TRIM55: variants seen among roughly 807,000 people sequenced by gnomAD.
TRIM55 encodes tripartite motif containing 55, also known as tripartite motif-containing protein 55.
In TRIM55, 50 loss-of-function variants were observed where a neutral mutation model predicts 60.9. The ratio of observed to expected loss-of-function variants is 0.82; its 90% CI spans 0.65 to 1.04. The LOEUF (loss-of-function observed/expected upper bound fraction) is 1.04. Among genes scored for constraint, TRIM55 ranks in the 50% least tolerant of loss-of-function variants. The pLI, the probability that TRIM55 is intolerant of heterozygous loss-of-function variation, is 0.00. For synonymous variants in TRIM55, 237 were observed against 238.1 expected (o/e 1.00, Z 0.04); for missense variants, 681 against 666.9 (o/e 1.02, Z -0.23).
chr8:66,133,565 A>G (rs934844776), intron 2 of TRIM55, among the ~76,000 whole-genome samples: 4 of 152,214 alleles, frequency 2.6e-5, no homozygotes, highest in African/African-American at 2.4e-5. Context: ...CTTCATGGAA[A>G]GCATATTGCT....
At chr8:66,114,110 G>A in the TRIM55 span, among the ~76,000 whole-genome samples, 1 of 120,574 alleles carries the variant, frequency 8.3e-6, no homozygotes, top group East Asian at 2.6e-4. Flanking sequence ...TTGTTGCTTT[G>A]AACCAAAAAA....
chr8:66,145,243 G>C (rs1249806694), intron 4 of TRIM55, among the ~76,000 whole-genome samples: 1 of 152,104 alleles, frequency 6.6e-6, no homozygotes, highest in Non-Finnish European at 1.5e-5. Flanking sequence ...TTTCACATTT[G>C]AATATGACAT....
At chr8:66,135,235 C>G (rs1809414914) in intron 3 of TRIM55, 80 bp downstream of exon 3, 5 of 1,517,438 alleles carry the variant, frequency 3.3e-6, no homozygotes, top group South Asian at 2.3e-5. Context: ...GTGTGAGTGG[C>G]TCCCTGCGGT....
intron 9 of TRIM55, among the ~76,000 whole-genome samples, chr8:66,173,067 T>C (rs10957368): frequency 1.1e-4 from 17 of 152,088 alleles, no homozygotes; most frequent in Admixed American, 9.8e-4. Context: ...GTCAGGATAA[T>C]GTTTATTTTA....
chr8:66,124,618 A>G (rs1381059686), upstream of TRIM55, among the ~76,000 whole-genome samples: 1 of 152,228 alleles, frequency 6.6e-6, no homozygotes, highest in African/African-American at 2.4e-5. Context: ...GCTGTTGTGA[A>G]AGGAAAATAA....
the TRIM55 span, among the ~76,000 whole-genome samples, chr8:66,116,312 A>G: frequency 6.6e-6 from 1 of 152,160 alleles, no homozygotes; most frequent in Non-Finnish European, 1.5e-5. Context: ...TATTTATAGA[A>G]AAGACTAGAA....
chr8:66,165,302 A>T (rs1241388430), intron 9 of TRIM55, among the ~76,000 whole-genome samples: 1 of 152,190 alleles, frequency 6.6e-6, no homozygotes, highest in Non-Finnish European at 1.5e-5. Context: ...ATACATTCTT[A>T]TTTCAAGTGC....
chr8:66,165,048 T>C (rs902972770), intron 9 of TRIM55, among the ~76,000 whole-genome samples: 4 of 152,034 alleles, frequency 2.6e-5, no homozygotes, highest in African/African-American at 9.7e-5. Flanking sequence ...AAGCCTCTTT[T>C]CCCCCTTGAA....
intron 4 of TRIM55, among the ~76,000 whole-genome samples, chr8:66,143,256 GT>G (rs955338021): frequency 1.3e-5 from 2 of 152,116 alleles, no homozygotes; most frequent in Non-Finnish European, 2.9e-5. Context: ...GTTGCTTTAG[GT>G]TTTTTTCCTA....
Position 66,174,488 on chromosome 8 carries a change from T to C in TRIM55, c.1542T>C (p.Pro514=). 1 of 1,611,746 alleles carries C rather than the reference T, an allele frequency of 6.2e-7. No individual in the cohort carries two copies. The highest frequency in any genetic ancestry group is 8.5e-7 in the Non-Finnish European group (1 of 1,179,368). The change falls in exon 10 of 10, where the codon CCT becomes CCC. Residue 514 remains proline (P), a synonymous_variant. Transcript: ENST00000315962. ...AATSQIGFEA[P]PLQGQAAAPA... ...CATTGCAGATTGGATTTGAGGCTCC[T>C]CCCCTCCAGGGACAGGCTGCAGCTC... is the stretch of plus-strand genomic sequence containing the variant.
rs145981376 is a variant in TRIM55 at position 66,130,863 on chromosome 8, G to A, written c.341+2387G>A. On this transcript the variant is annotated intron_variant, in intron 2 of 9. Coordinates refer to ENST00000315962, the MANE Select transcript of TRIM55 (RefSeq NM_184085.2). ...TTTTTAGTAGAGATGGGGTTTCACCGTGTTAGCCAGGATAGTCTCGATCTC... is the reference window on the plus strand; with the variant it reads ...TTTTTAGTAGAGATGGGGTTTCACCATGTTAGCCAGGATAGTCTCGATCTC... Among the ~76,000 whole-genome samples the A allele has an allele frequency of 4.6e-4, 69 of 151,532 alleles. 1 individual carries two copies. Among genetic ancestry groups the A allele is most frequent in the African/African-American group, 1.5e-3 (63 of 41,336 alleles).
At chr8:66,152,684 A>G in intron 8 of TRIM55, 57 bp downstream of exon 8, 1 of 1,560,938 alleles carries the variant, frequency 6.4e-7, no homozygotes, top group South Asian at 1.2e-5. Flanking sequence ...CTTATGGAAT[A>G]GCCTAAACAA....
rs564989744 is a variant in TRIM55 at position 66,157,721 on chromosome 8, C to G, written c.1524+3387C>G. Among the ~76,000 whole-genome samples the G allele has an allele frequency of 2.0e-5, 3 of 152,304 alleles. No homozygotes were observed. The East Asian group carries it at 5.8e-4, about 29-fold the overall frequency. ...TGCAAACCTTTTAGAAGCAAATGCT[C>G]TATTTCCTGGTGCTTTCCTTACATC... is the stretch of plus-strand genomic sequence containing the variant. On this transcript the variant is annotated intron_variant, in intron 9 of 9. Transcript: ENST00000315962.
chr8:66,135,278 G>A (rs1233877858), intron 3 of TRIM55, 123 bp downstream of exon 3: 2 of 959,014 alleles, frequency 2.1e-6, no homozygotes, highest in Admixed American at 2.2e-5. Flanking sequence ...CAGGGCCATG[G>A]GACACTGGAG....
At chr8:66,163,459 ATATGTTG>A (rs1435184462) in intron 9 of TRIM55, among the ~76,000 whole-genome samples, 1 of 152,096 alleles carries the variant, frequency 6.6e-6, no homozygotes, top group East Asian at 1.9e-4. Flanking sequence ...ACAAGTTTTG[ATATGTTG>A]TATTTTCATT....
chr8:66,153,345 C>T (rs1470023958), intron 8 of TRIM55, among the ~76,000 whole-genome samples: 2 of 152,132 alleles, frequency 1.3e-5, no homozygotes, highest in Non-Finnish European at 2.9e-5. Context: ...AATACGTCAC[C>T]GTCCAGTTTT....
chr8:66,162,911 G>A (rs992527080), intron 9 of TRIM55, among the ~76,000 whole-genome samples: 52 of 152,054 alleles, frequency 3.4e-4, no homozygotes, highest in African/African-American at 1.2e-3. Flanking sequence ...TAATATTTGT[G>A]TAGATGAGAT....
intron 2 of TRIM55, among the ~76,000 whole-genome samples, chr8:66,129,974 C>T (rs964168080): frequency 6.6e-6 from 1 of 152,166 alleles, no homozygotes; most frequent in African/African-American, 2.4e-5. Flanking sequence ...CAGTGCTTTG[C>T]ACAGAATAGT....
At chr8:66,151,897 A>AAATAAAT (rs1563380732) in intron 7 of TRIM55, among the ~76,000 whole-genome samples, 1 of 148,762 alleles carries the variant, frequency 6.7e-6, no homozygotes, top group Non-Finnish European at 1.5e-5. Flanking sequence ...AATAAATAAA[A>AAATAAAT]GAGTCGTGAC....
Sources: gnomAD v4.1 joint callset for allele counts (sites outside exome capture counted in the v4.1 genomes callset) on GRCh38, gnomAD v4.1.1 for gene constraint, MANE v1.5 for transcripts, NCBI Gene and HGNC (gene_info 2026-07-23, HGNC 2026-07-21) for gene names.